Variants in NHSL1 observed in about 807,000 individuals in gnomAD.
NHSL1 encodes the protein NHS-like protein 1.
NHSL1 carries 48 observed loss-of-function variants against 95.0 expected under a neutral mutation model. That is an observed-to-expected ratio of 0.51 (90% confidence interval 0.40 to 0.64). The LOEUF (loss-of-function observed/expected upper bound fraction) is 0.64. Ranked by LOEUF, NHSL1 falls within the 30% of genes least tolerant of loss-of-function variation. The pLI is 0.00. For synonymous variants in NHSL1, 783 were observed against 833.9 expected, an observed-to-expected ratio of 0.94 and a Z score of 1.05; for missense variants, 1,971 against 2,077.7, an observed-to-expected ratio of 0.95 and a Z score of 1.00.
intron 1 of NHSL1, among the ~76,000 whole-genome samples, chr6:138,496,816 A>C (rs1358372980): frequency 1.3e-5 from 2 of 152,216 alleles, no homozygotes; most frequent in Non-Finnish European, 2.9e-5. Context: ...GGAGGTTTAT[A>C]ACAAATATTC....
intron 3 of NHSL1, among the ~76,000 whole-genome samples, chr6:138,463,781 G>A (rs1054407627): frequency 2.0e-5 from 3 of 151,944 alleles, no homozygotes; most frequent in Admixed American, 6.6e-5. Context: ...CTTGTGTGAC[G>A]TTCTTATATG....
At chr6:138,621,369 A>G (rs898381255) in intron 1 of NHSL1, among the ~76,000 whole-genome samples, 48 of 152,250 alleles carry the variant, frequency 3.2e-4, no homozygotes, top group African/African-American at 1.1e-3. Flanking sequence ...AGAACAACAC[A>G]AAGATCTCCA....
rs74576553 is a variant in NHSL1 at position 138,481,397 on chromosome 6, C to T, written c.212-7964G>A. On this transcript the variant is annotated intron_variant, in intron 2 of 7. Transcript: ENST00000343505. ...AGGATTCTCCCTTGTCACTCATGCA[C>T]GATGAATTTTCCAAAAATATGTTTA... 6.4e-3 allele frequency among the ~76,000 whole-genome samples: 967 copies of T among 152,216 alleles called. 11 individuals carry two copies. The highest frequency in any genetic ancestry group is 0.022 in the African/African-American group (929 of 41,536).
Position 138,430,384 on chromosome 6 carries a change from C to A in NHSL1, c.3952+9G>T. 6.9e-7 allele frequency: 1 copy of A among 1,452,952 alleles called. No individual in the cohort carries two copies. The highest frequency in any genetic ancestry group is 1.5e-5 in the South Asian group (1 of 66,468). 90.0% of individuals were successfully genotyped at this position (1,452,952 alleles called of 1,614,324 possible). On this transcript the variant is annotated intron_variant, in intron 6 of 7. Transcript: ENST00000343505. This position sits in a 1 kb window ranked among gnomAD's most constrained non-coding sequence, Gnocchi z 4.7. ...GCACAGGAGAGAGAAGCCAGGAAGC[C>A]AGACTCACCTGCTCCGTCCTGTTGA...
chr6:138,470,619 T>G (rs1271271147), intron 3 of NHSL1: 2 of 152,078 alleles, frequency 1.3e-5, no homozygotes, highest in Non-Finnish European at 2.9e-5. Flanking sequence ...ATCACAAAAG[T>G]AACAAAAATT....
intron 1 of NHSL1, among the ~76,000 whole-genome samples, chr6:138,618,747 GA>G (rs1176658621): frequency 6.6e-6 from 1 of 152,084 alleles, no homozygotes; most frequent in African/African-American, 2.4e-5. Flanking sequence ...TTATATAAAA[GA>G]AATAATGACT....
At chr6:138,490,777 G>A (rs1249404610) in intron 2 of NHSL1, among the ~76,000 whole-genome samples, 1 of 152,132 alleles carries the variant, frequency 6.6e-6, no homozygotes. Flanking sequence ...GGGACTACAG[G>A]CATGCGCCAC....
chr6:138,682,252 A>G (rs190377787), intron 1 of NHSL1, among the ~76,000 whole-genome samples: 18 of 152,360 alleles, frequency 1.2e-4, no homozygotes, highest in Admixed American at 1.0e-3. Flanking sequence ...AAGTGAAAAT[A>G]AAACAGAAGA....
intron 1 of NHSL1, among the ~76,000 whole-genome samples, chr6:138,691,127 A>T (rs1169202494): frequency 6.6e-6 from 1 of 152,268 alleles, no homozygotes; most frequent in African/African-American, 2.4e-5. Context: ...CTACTAGGAC[A>T]GTGTATCCTA....
At chr6:138,687,036 C>G (rs1221003592) in intron 1 of NHSL1, among the ~76,000 whole-genome samples, 1 of 152,110 alleles carries the variant, frequency 6.6e-6, no homozygotes, top group African/African-American at 2.4e-5. Context: ...ACACAGCCAC[C>G]AACATCCTCT....
intron 1 of NHSL1, among the ~76,000 whole-genome samples, chr6:138,644,498 A>G (rs931126502): frequency 6.6e-6 from 1 of 152,188 alleles, no homozygotes; most frequent in Non-Finnish European, 1.5e-5. Flanking sequence ...GCGAGATTCC[A>G]TCTCAACAAC....
intron 1 of NHSL1, among the ~76,000 whole-genome samples, chr6:138,654,856 A>T (rs1192831686): frequency 6.6e-6 from 1 of 152,220 alleles, no homozygotes; most frequent in African/African-American, 2.4e-5. Flanking sequence ...ATACAGTATG[A>T]TTCTAATTAT....
At chr6:138,620,559 T>C (rs1243275253) in intron 1 of NHSL1, among the ~76,000 whole-genome samples, 2 of 152,086 alleles carry the variant, frequency 1.3e-5, no homozygotes, top group African/African-American at 4.8e-5. Flanking sequence ...GTTGCTAACA[T>C]AAAATGAGAA....
intron 1 of NHSL1, among the ~76,000 whole-genome samples, chr6:138,618,761 T>A (rs1248836921): frequency 6.6e-6 from 1 of 152,332 alleles, no homozygotes; most frequent in East Asian, 1.9e-4. Flanking sequence ...TAATGACTTG[T>A]ACCGAGTGAT....
chr6:138,528,124 T>G (rs1436387534), intron 1 of NHSL1, among the ~76,000 whole-genome samples: 1 of 152,224 alleles, frequency 6.6e-6, no homozygotes, highest in Non-Finnish European at 1.5e-5. Flanking sequence ...GCAAGTTATT[T>G]GACATAATTA....
chr6:138,611,613 A>C lies in NHSL1; in HGVS notation c.96+80863T>G, dbSNP rs192198318. ...TACAAAAAATTAGCTGGGCGCAGTG[A>C]GGGGCTCCTGTAGTCCCAGCCACTC... On this transcript the variant is annotated intron_variant, in intron 1 of 3. Transcript: ENST00000491526. Among the ~76,000 whole-genome samples the C allele has an allele frequency of 3.7e-3, 567 of 152,070 alleles. 5 individuals carry two copies. Among genetic ancestry groups the C allele is most frequent in the African/African-American group, 0.013 (537 of 41,466 alleles).
intron 1 of NHSL1, among the ~76,000 whole-genome samples, chr6:138,608,033 T>C (rs1436713931): frequency 6.6e-6 from 1 of 152,254 alleles, no homozygotes; most frequent in African/African-American, 2.4e-5. Context: ...CTTCGCTCAC[T>C]GTCTAGCTGC....
chr6:138,526,462 T>TA (rs1562349412), intron 1 of NHSL1, among the ~76,000 whole-genome samples: 1 of 152,124 alleles, frequency 6.6e-6, no homozygotes, highest in African/African-American at 2.4e-5. Context: ...GCCTGGGTGA[T>TA]AGAGTGAGCC....
chr6:138,451,294 C>T (rs956210029), intron 3 of NHSL1, among the ~76,000 whole-genome samples: 3 of 152,314 alleles, frequency 2.0e-5, no homozygotes, highest in South Asian at 2.1e-4. Flanking sequence ...ATGCTCCTCC[C>T]GTAGACATCC....
Sources: gnomAD v4.1 joint callset for allele counts (sites outside exome capture counted in the v4.1 genomes callset) on GRCh38, gnomAD v4.1.1 for gene constraint, Gnocchi (gnomAD v3.1) non-coding constraint, MANE v1.5 for transcripts, NCBI Gene and HGNC (gene_info 2026-07-23, HGNC 2026-07-21) for gene names.